SNX8: variants seen among roughly 807,000 people sequenced by gnomAD.
The protein encoded by SNX8 is sorting nexin-8.
SNX8 carries 25 observed loss-of-function variants against 51.6 expected under a neutral mutation model. That is an observed-to-expected ratio of 0.48 (90% CI 0.35 to 0.68). The LOEUF (loss-of-function observed/expected upper bound fraction) is 0.68, where lower values mean the gene tolerates loss of function less well. SNX8 is among the 30% of genes least tolerant of loss of function. SNX8 has a pLI of 0.00. For missense variants in SNX8, 695 were observed against 624.0 expected (o/e 1.11, Z -1.21); for synonymous variants, 324 against 277.0 (o/e 1.17, Z -1.68).
At chr7:2,294,860 C>G (rs2115173454) in intron 1 of SNX8, among the ~76,000 whole-genome samples, 1 of 151,378 alleles carries the variant, frequency 6.6e-6, no homozygotes, top group East Asian at 2.0e-4. Context: ...ATGGCAATAC[C>G]CCATCTCTAC....
chr7:2,275,411 G>C (rs977311223), intron 2 of SNX8, among the ~76,000 whole-genome samples, 182 bp from the exon 3 acceptor site: 1 of 152,204 alleles, frequency 6.6e-6, no homozygotes, highest in Non-Finnish European at 1.5e-5. Flanking sequence ...ACTTTGTATA[G>C]CTCTTAGGCC....
upstream of SNX8, among the ~76,000 whole-genome samples, chr7:2,316,457 GCATT>G (rs1266150624): frequency 2.4e-5 from 3 of 125,182 alleles, no homozygotes; most frequent in Non-Finnish European, 3.3e-5. Context: ...ACTGCATCCT[GCATT>G]CATTCACCCA....
chr7:2,259,980 A>C (rs1795295661), intron 7 of SNX8, among the ~76,000 whole-genome samples: 1 of 152,164 alleles, frequency 6.6e-6, no homozygotes, highest in African/African-American at 2.4e-5. Flanking sequence ...TAGCTGATGA[A>C]CTAAAAAAAA....
chr7:2,301,665 C>T (rs762499598), intron 1 of SNX8, among the ~76,000 whole-genome samples: 1 of 152,138 alleles, frequency 6.6e-6, no homozygotes, highest in Non-Finnish European at 1.5e-5. Flanking sequence ...TGGAAAAGGG[C>T]ATCCACGTGT....
At chr7:2,320,616 C>T (rs1211417820) in intron 1 of SNX8, among the ~76,000 whole-genome samples, 1 of 151,800 alleles carries the variant, frequency 6.6e-6, no homozygotes, top group Non-Finnish European at 1.5e-5. Context: ...CCCAGCTACA[C>T]GAAAGGCTGA....
At chr7:2,320,443 G>A (rs955870549) in intron 1 of SNX8, among the ~76,000 whole-genome samples, 1 of 152,066 alleles carries the variant, frequency 6.6e-6, no homozygotes, top group Non-Finnish European at 1.5e-5. Context: ...GCTAGCAGCT[G>A]GGCACAGCAG....
chr7:2,332,392 C>G (rs1016750580), intron 1 of SNX8, among the ~76,000 whole-genome samples: 1 of 152,032 alleles, frequency 6.6e-6, no homozygotes, highest in African/African-American at 2.4e-5. Flanking sequence ...GATTTTTCCA[C>G]AGATATTTAT....
At chr7:2,316,800 C>T (rs546041237), upstream of SNX8, among the ~76,000 whole-genome samples, 20 of 152,356 alleles carry the variant, frequency 1.3e-4, no homozygotes, top group African/African-American at 4.6e-4. Flanking sequence ...CACTCACTCA[C>T]TCACTCACTG....
chr7:2,259,917 T>C (rs560155646), intron 7 of SNX8, among the ~76,000 whole-genome samples: 15 of 151,848 alleles, frequency 9.9e-5, no homozygotes, highest in Middle Eastern at 3.4e-3. Context: ...CAGGGCCACA[T>C]TGGAAGAAGA....
rs185778512 is a variant in SNX8, at chr7:2,304,344, A to G, written c.94+9984T>C. 5.1e-3 allele frequency among the ~76,000 whole-genome samples: 770 copies of G among 151,532 alleles called. 9 individuals carry two copies. Among genetic ancestry groups the G allele is most frequent in the African/African-American group, 0.018 (732 of 41,386 alleles). ...CAGATCACGAGGTCAGGAGATAGAG[A>G]CCATCCTGGCTAACAGGGTGAAACC... On this transcript the variant is annotated intron_variant, in intron 1 of 10. Coordinates refer to ENST00000222990, the MANE Select transcript of SNX8 (RefSeq NM_013321.4).
rs879069190 is a variant in SNX8, at chr7:2,271,773, C to T, written c.540+77G>A. 1.7e-5 allele frequency: 26 copies of T among 1,517,730 alleles called. No individual in the cohort carries two copies. The South Asian group carries it at 2.1e-4, about 12-fold the overall frequency. 94.0% of individuals were successfully genotyped at this position (1,517,730 alleles called of 1,614,324 possible). A position where few individuals can be genotyped will look rare whatever the true frequency, so the allele number is the denominator to read the frequency against. On this transcript the variant is annotated intron_variant, in intron 4 of 10. Coordinates refer to ENST00000222990, the MANE Select transcript of SNX8 (RefSeq NM_013321.4). ...GGGACCAGGAGGATAAGAAACCACA[C>T]CTGAGAGAGGAAAAGGCGGGTCCGG... is the stretch of plus-strand genomic sequence containing the variant.
In SNX8 at chr7:2,291,298, A is replaced by G. The variant is rs187790649; in HGVS notation, c.95-12993T>C. 1.2e-4 allele frequency among the ~76,000 whole-genome samples: 18 copies of G among 146,400 alleles called. No individual in the cohort carries two copies. The East Asian group carries it at 3.6e-3, about 29-fold the overall frequency. On this transcript the variant is annotated intron_variant, in intron 1 of 10. Coordinates refer to ENST00000222990, the MANE Select transcript of SNX8 (RefSeq NM_013321.4). ...CTGGGGAGCAGAAGACACCCTGTTT[A>G]AAAAAAAAAAGAAACTAGGCCGGAT...
Position 2,278,216 on chromosome 7 carries a change from G to A in SNX8, c.184C>T (p.Leu62=), listed in dbSNP as rs1795827354. Residue 62 remains leucine (L), a synonymous_variant, in exon 2 of 11, where the codon CTG becomes TTG. Coordinates refer to ENST00000222990, the MANE Select transcript of SNX8 (RefSeq NM_013321.4). ...TCCTGCAGGGTGTGGGACAGCAGCA[G>A]CGGGTTCCCCTGCGGCATCTGCATT... ...SRMQMPQGNP[L]LLSHTLQELL... 6.2e-7 allele frequency: 1 copy of A among 1,613,202 alleles called. No individual in the cohort carries two copies. Among genetic ancestry groups the A allele is most frequent in the East Asian group, 2.2e-5 (1 of 44,868 alleles).
chr7:2,280,545 A>AT lies in SNX8; in HGVS notation c.95-2241dup, dbSNP rs1795885426. ...TGTATTAATTTTTATGATTTTCCTG[A>AT]TTATTAAGATAAGATAATCTTCCAA... is the stretch of plus-strand genomic sequence containing the variant. On this transcript the variant is annotated intron_variant, in intron 1 of 10. Transcript: ENST00000222990. Among the ~76,000 whole-genome samples, 3 of 152,214 alleles carry AT rather than the reference A, an allele frequency of 2.0e-5. No individual in the cohort carries two copies. In the South Asian group the frequency reaches 6.2e-4, roughly 32 times the overall value.
intron 7 of SNX8, among the ~76,000 whole-genome samples, chr7:2,261,166 C>T (rs1795325551): frequency 6.6e-6 from 1 of 152,234 alleles, no homozygotes; most frequent in South Asian, 2.1e-4. Flanking sequence ...GGCACAGAGG[C>T]TCGTGCCTGT....
chr7:2,292,358 C>T (rs985626324), intron 1 of SNX8, among the ~76,000 whole-genome samples: 2 of 152,084 alleles, frequency 1.3e-5, no homozygotes, highest in Non-Finnish European at 2.9e-5. Context: ...CATTACAAAA[C>T]TCTTAGCAGA....
chr7:2,261,226 A>T (rs1795326839), intron 7 of SNX8, among the ~76,000 whole-genome samples: 1 of 152,210 alleles, frequency 6.6e-6, no homozygotes, highest in Non-Finnish European at 1.5e-5. Flanking sequence ...TGAGGTCAGG[A>T]GTTTGAGACC....
intron 7 of SNX8, among the ~76,000 whole-genome samples, chr7:2,262,248 C>T (rs1343676997): frequency 6.6e-6 from 1 of 152,110 alleles, no homozygotes; most frequent in Non-Finnish European, 1.5e-5. Context: ...CTCTGTTGCC[C>T]AGGGTGGTCC....
At chr7:2,308,619 T>G (rs533062365) in intron 1 of SNX8, among the ~76,000 whole-genome samples, 1 of 130,716 alleles carries the variant, frequency 7.7e-6, no homozygotes, top group African/African-American at 3.0e-5. Context: ...TGAGGCTAGA[T>G]GGCACCACTG....
Sources: gnomAD v4.1 joint callset for allele counts (sites outside exome capture counted in the v4.1 genomes callset) on GRCh38, gnomAD v4.1.1 for gene constraint, MANE v1.5 for transcripts, NCBI Gene and HGNC (gene_info 2026-07-23, HGNC 2026-07-21) for gene names.